The following TANC2 variants were observed in gnomAD, a reference collection of about 807,000 sequenced individuals.
TANC2 encodes protein TANC2.
Under a neutral mutation model 210.5 loss-of-function variants are expected in TANC2, and 26 were observed. That is an observed-to-expected ratio of 0.12 (90% confidence interval 0.09 to 0.17). The LOEUF is 0.17. Among genes scored for constraint, TANC2 ranks in the 10% least tolerant of loss-of-function variants. The pLI, the probability that TANC2 is intolerant of heterozygous loss-of-function variation, is 1.00. For synonymous variants in TANC2, 931 were observed against 967.1 expected, an observed-to-expected ratio of 0.96 and a Z score of 0.69; for missense variants, 2,129 against 2,608.9, an observed-to-expected ratio of 0.82 and a Z score of 4.01.
intron 5 of TANC2, among the ~76,000 whole-genome samples, chr17:63,180,698 A>G (rs1225614594): frequency 6.6e-6 from 1 of 152,102 alleles, no homozygotes; most frequent in Non-Finnish European, 1.5e-5. Flanking sequence ...AATGCCTCCT[A>G]TGTGTTAGGC....
rs71357046 is a variant in TANC2 at position 63,025,821 on chromosome 17, T to TTAAAATAAAATAAAATAAAA, written c.67+16216_67+16235dup. 2.4e-3 allele frequency among the ~76,000 whole-genome samples: 336 copies of TTAAAATAAAATAAAATAAAA among 141,504 alleles called. 2 individuals are homozygous for TTAAAATAAAATAAAATAAAA. Among genetic ancestry groups the TTAAAATAAAATAAAATAAAA allele is most frequent in the African/African-American group, 8.3e-3 (303 of 36,386 alleles). The allele number at this position is 141,504 out of a possible 152,430, so 92.8% of individuals were successfully genotyped here. ...AAAAATAAAATAAAATAAAATTAAA[T>TTAAAATAAAATAAAATAAAA]TAAAATAAAATAAAATAAAATAAAA... On this transcript the variant is annotated intron_variant, in intron 2 of 27. Transcript: ENST00000689528.
chr17:63,063,640 C>T (rs116713807), intron 2 of TANC2, among the ~76,000 whole-genome samples: 3,198 of 115,868 alleles, frequency 0.028, 71 homozygotes, highest in African/African-American at 0.037. Flanking sequence ...TGTAGAGATA[C>T]ATCTCTTACA....
intron 2 of TANC2, among the ~76,000 whole-genome samples, chr17:63,072,163 A>G (rs982915992): frequency 2.6e-5 from 4 of 152,148 alleles, no homozygotes; most frequent in African/African-American, 9.7e-5. Context: ...CAAGAGAGTG[A>G]GGTAGAAGGA....
At chr17:63,253,339 T>G (rs1223890264) in intron 8 of TANC2, among the ~76,000 whole-genome samples, 2 of 152,222 alleles carry the variant, frequency 1.3e-5, no homozygotes, top group African/African-American at 2.4e-5. Context: ...TTCTGCTTAT[T>G]AATCCCTTGA....
chr17:63,355,065 G>C (rs768846086), exon 14 of TANC2: 1 of 1,613,918 alleles, frequency 6.2e-7, no homozygotes, highest in Non-Finnish European at 8.5e-7. Flanking sequence ...CTACAAAGTA[G>C]TTCCTGTTTC....
intron 19 of TANC2, among the ~76,000 whole-genome samples, chr17:63,402,933 TTG>T (rs754389380): frequency 6.6e-6 from 1 of 152,256 alleles, no homozygotes; most frequent in Non-Finnish European, 1.5e-5. Context: ...TTTTACATAG[TTG>T]TGTTGTTCTG....
In TANC2 at chr17:63,245,399, T is replaced by C. The variant is rs1354599616; in HGVS notation, c.1033+7322T>C. Among the ~76,000 whole-genome samples, 4 of 152,190 alleles carry C rather than the reference T, an allele frequency of 2.6e-5. No homozygotes were observed. In the East Asian group the frequency reaches 7.7e-4, roughly 29 times the overall value. On this transcript the variant is annotated intron_variant, in intron 8 of 27. Transcript: ENST00000689528. ...TTATATACTCTATATATGTAAATCATACCAGTTTTTAAAATATATAAAATG... is the reference window on the plus strand; with the variant it reads ...TTATATACTCTATATATGTAAATCACACCAGTTTTTAAAATATATAAAATG...
At chr17:63,096,113 G>C (rs1162743623) in intron 3 of TANC2, among the ~76,000 whole-genome samples, 1 of 151,986 alleles carries the variant, frequency 6.6e-6, no homozygotes, top group Non-Finnish European at 1.5e-5. Flanking sequence ...TTATGTAACT[G>C]TAAAATACTG....
At chr17:63,392,879 G>C (rs749674744) in intron 17 of TANC2, among the ~76,000 whole-genome samples, 2 of 152,038 alleles carry the variant, frequency 1.3e-5, no homozygotes, top group Non-Finnish European at 2.9e-5. Context: ...AAAATGCATA[G>C]AGTTTCTATA....
At chr17:63,358,570 A>G (rs2046858333) in intron 14 of TANC2, among the ~76,000 whole-genome samples, 1 of 152,134 alleles carries the variant, frequency 6.6e-6, no homozygotes, top group Non-Finnish European at 1.5e-5. Context: ...CAGCCTTCTG[A>G]CATACCCTGA....
chr17:63,151,471 T>C (rs941553984), intron 5 of TANC2, 91 bp downstream of exon 5: 3 of 508,840 alleles, frequency 5.9e-6, no homozygotes, highest in Admixed American at 6.4e-5. Context: ...ATACTACTCA[T>C]AAAAACATGT....
intron 24 of TANC2, 50 bp from the exon 25 acceptor site, chr17:63,413,489 ACCAC>A: frequency 7.1e-7 from 1 of 1,411,652 alleles, no homozygotes; most frequent in Non-Finnish European, 9.6e-7. Context: ...CTAGCTTCCT[ACCAC>A]CCTTACATTG....
intron 5 of TANC2, among the ~76,000 whole-genome samples, chr17:63,186,735 A>G (rs2145698327): frequency 6.6e-6 from 1 of 152,306 alleles, no homozygotes; most frequent in East Asian, 1.9e-4. Context: ...TTATGGTGAC[A>G]TATTCCTCAA....
chr17:63,184,745 C>T (rs555106838), intron 5 of TANC2, among the ~76,000 whole-genome samples: 2 of 151,764 alleles, frequency 1.3e-5, no homozygotes, highest in Non-Finnish European at 2.9e-5. Flanking sequence ...CCTCCGCCTC[C>T]CAGGTTCAAG....
chr17:63,164,514 A>G (rs185383881), intron 5 of TANC2, among the ~76,000 whole-genome samples: 1 of 152,334 alleles, frequency 6.6e-6, no homozygotes, highest in East Asian at 1.9e-4. Context: ...CTCTGGAGAA[A>G]CAGAACCAAT....
chr17:63,022,580 C>A (rs1454738923), intron 2 of TANC2, among the ~76,000 whole-genome samples: 1 of 152,166 alleles, frequency 6.6e-6, no homozygotes, highest in Non-Finnish European at 1.5e-5. Context: ...AAGAGTGTGA[C>A]CTGATGACCA....
intron 5 of TANC2, among the ~76,000 whole-genome samples, chr17:63,160,838 A>G (rs17683399): frequency 0.59 from 90,325 of 152,056 alleles, 29,092 homozygotes; most frequent in African/African-American, 0.84. Flanking sequence ...TTTAAAATTT[A>G]TGTGTGTTTG....
rs144183021 is a variant in TANC2 at position 63,186,645 on chromosome 17, C to T, written c.434-7346C>T. ...TGCTGGGATTACAGGCGTGAGCCAC[C>T]GCACCCGGGCTTTCTTCGAGTCTTC... On this transcript the variant is annotated intron_variant, in intron 5 of 27. Transcript: ENST00000689528. 8.5e-3 allele frequency among the ~76,000 whole-genome samples: 1,298 copies of T among 152,186 alleles called. 16 individuals carry two copies. Among genetic ancestry groups the T allele is most frequent in the African/African-American group, 0.029 (1,188 of 41,516 alleles).
At chr17:63,328,028 G>T (rs2045706707) in intron 11 of TANC2, among the ~76,000 whole-genome samples, 1 of 152,190 alleles carries the variant, frequency 6.6e-6, no homozygotes, top group Admixed American at 6.5e-5. Flanking sequence ...TGCGGTGTTT[G>T]GTTTTTACAG....
Sources: allele counts gnomAD v4.1 joint callset (sites outside exome capture counted in the v4.1 genomes callset), GRCh38; gene constraint gnomAD v4.1.1; transcripts MANE v1.5; gene names NCBI Gene and HGNC (gene_info 2026-07-23, HGNC 2026-07-21).